The following ATP8B4 variants were observed in gnomAD, a reference collection of about 807,000 sequenced individuals.
ATP8B4 encodes the protein ATPase phospholipid transporting 8B4 (putative).
In ATP8B4, 133 loss-of-function variants were observed where a neutral mutation model predicts 145.6. The observed-to-expected ratio is 0.91, with a 90% CI of 0.79 to 1.05. The LOEUF (loss-of-function observed/expected upper bound fraction) is 1.05, where lower values mean the gene tolerates loss of function less well. Ranked by LOEUF, ATP8B4 falls within the 50% of genes least tolerant of loss-of-function variation. The probability of loss-of-function intolerance (pLI) is 0.00; values close to 1 mark genes in which losing one functional copy is unlikely to be tolerated. For synonymous variants in ATP8B4, 507 were observed against 492.9 expected, an observed-to-expected ratio of 1.03 and a Z score of -0.38; for missense variants, 1,458 against 1,425.2, an observed-to-expected ratio of 1.02 and a Z score of -0.37.
chr15:50,177,608 C>CT lies in ATP8B4; in HGVS notation c.-43+4652dup, dbSNP rs1474425378. On this transcript the variant is annotated intron_variant, in intron 1 of 3. Coordinates refer to the ATP8B4 transcript ENST00000558829. ...CTAGGGTAGGATCCTCCCAGAGCCCCTTTCCCACTCTATGCAATGAACTCT... is the reference window on the plus strand; with the variant it reads ...CTAGGGTAGGATCCTCCCAGAGCCCCTTTTCCCACTCTATGCAATGAACTCT... 2.6e-5 allele frequency among the ~76,000 whole-genome samples: 4 copies of CT among 152,178 alleles called. No homozygotes were observed. The East Asian group carries it at 7.7e-4, about 29-fold the overall frequency.
At chr15:49,917,107 G>C in intron 19 of ATP8B4, 68 bp from the exon 20 acceptor site, 2 of 1,461,714 alleles carry the variant, frequency 1.4e-6, no homozygotes, top group Non-Finnish European at 1.9e-6. Flanking sequence ...TTTAATGAAA[G>C]TTTTGAGGGC....
intron 1 of ATP8B4, among the ~76,000 whole-genome samples, chr15:50,115,542 G>A (rs141710716): frequency 9.2e-5 from 14 of 152,050 alleles, no homozygotes; most frequent in African/African-American, 3.4e-4. Flanking sequence ...GTAAGGACAA[G>A]TCAAAGGAAC....
chr15:50,146,856 G>A (rs915355424), intron 1 of ATP8B4, among the ~76,000 whole-genome samples: 1 of 152,116 alleles, frequency 6.6e-6, no homozygotes, highest in Non-Finnish European at 1.5e-5. Context: ...TGAATCCCAG[G>A]TTCCACACAG....
At chr15:49,974,676 T>G (rs183618301) in intron 12 of ATP8B4, among the ~76,000 whole-genome samples, 1 of 152,314 alleles carries the variant, frequency 6.6e-6, no homozygotes, top group African/African-American at 2.4e-5. Context: ...ATCTACATTT[T>G]TCTTTGTTTT....
At chr15:49,955,407 C>T (rs4387547) in intron 14 of ATP8B4, among the ~76,000 whole-genome samples, 69,638 of 152,098 alleles carry the variant, frequency 0.46, 17,041 homozygotes, top group Non-Finnish European at 0.54. Context: ...TGTAGAAAGA[C>T]TGGAATCCTG....
chr15:49,932,115 A>G (rs1053732058), intron 15 of ATP8B4, among the ~76,000 whole-genome samples: 1 of 151,862 alleles, frequency 6.6e-6, no homozygotes, highest in Non-Finnish European at 1.5e-5. Flanking sequence ...AATTAGGCAT[A>G]GCTAGACCCA....
At chr15:50,132,563 G>A (rs1469428701) in intron 1 of ATP8B4, among the ~76,000 whole-genome samples, 1 of 152,186 alleles carries the variant, frequency 6.6e-6, no homozygotes, top group East Asian at 1.9e-4. Flanking sequence ...AATTCCTCAA[G>A]AATCTAGAAG....
intron 23 of ATP8B4, among the ~76,000 whole-genome samples, chr15:49,890,937 T>G (rs1386781184): frequency 1.3e-5 from 2 of 152,338 alleles, no homozygotes; most frequent in East Asian, 3.9e-4. Flanking sequence ...TAGAACAGGC[T>G]TCTTGCTATA....
chr15:49,971,143 C>T (rs1419188789), intron 13 of ATP8B4, among the ~76,000 whole-genome samples: 2 of 152,102 alleles, frequency 1.3e-5, no homozygotes, highest in Non-Finnish European at 1.5e-5. Flanking sequence ...AAAAGTTAAA[C>T]ATAAGACCTA....
At chr15:49,991,392 T>C (rs1385385975) in intron 9 of ATP8B4, among the ~76,000 whole-genome samples, 2 of 152,186 alleles carry the variant, frequency 1.3e-5, no homozygotes, top group Non-Finnish European at 2.9e-5. Flanking sequence ...TCAGTAACAA[T>C]ATGCAAAAGA....
In ATP8B4 at chr15:49,892,172, A is replaced by G. The variant is rs1465644387; in HGVS notation, c.2697+5120T>C. On this transcript the variant is annotated intron_variant, in intron 23 of 27. Transcript: ENST00000284509. ...ACTCAGAATAGTTAAATAATTTATA[A>G]TCTGGGTTTCAGAATGTCATTAAGA... 3.3e-5 allele frequency among the ~76,000 whole-genome samples: 5 copies of G among 152,240 alleles called. No individual in the cohort carries two copies. In the South Asian group the frequency reaches 8.3e-4, roughly 25 times the overall value.
At chr15:50,006,638 C>T (rs1481436079) in intron 7 of ATP8B4, among the ~76,000 whole-genome samples, 1 of 152,094 alleles carries the variant, frequency 6.6e-6, no homozygotes, top group African/African-American at 2.4e-5. Context: ...TCATTCTAGC[C>T]CTATCATTTC....
intron 6 of ATP8B4, 148 bp from the exon 7 acceptor site, chr15:50,011,065 C>A: frequency 1.9e-6 from 1 of 530,166 alleles, no homozygotes. Context: ...TACATTAACA[C>A]GGGAACAAAG....
intron 1 of ATP8B4, among the ~76,000 whole-genome samples, chr15:50,113,865 A>T (rs1011646512): frequency 7.5e-6 from 1 of 132,522 alleles, no homozygotes; most frequent in Non-Finnish European, 1.6e-5. Context: ...AAAAAAAAAA[A>T]GCCAAATTTA....
chr15:50,125,468 C>T (rs534916623), intron 1 of ATP8B4, among the ~76,000 whole-genome samples: 2 of 152,302 alleles, frequency 1.3e-5, no homozygotes, highest in South Asian at 4.1e-4. Flanking sequence ...GTCTCTGGGA[C>T]ATTTCACACA....
chr15:50,134,101 G>A (rs2044088556), intron 1 of ATP8B4, among the ~76,000 whole-genome samples: 1 of 151,774 alleles, frequency 6.6e-6, no homozygotes, highest in African/African-American at 2.4e-5. Context: ...CTTAAATATA[G>A]ATAATTTTTA....
chr15:49,940,594 CAAAG>C (rs1207721315), intron 14 of ATP8B4, among the ~76,000 whole-genome samples: 1 of 151,882 alleles, frequency 6.6e-6, no homozygotes, highest in African/African-American at 2.4e-5. Flanking sequence ...ACAAAATAGA[CAAAG>C]AAAAATGAGG....
At position 50,099,696 on chromosome 15, in the gene ATP8B4, A is replaced by C. The variant is rs1397198997; in HGVS notation, c.28+7243T>G. On this transcript the variant is annotated intron_variant, in intron 2 of 27. Coordinates refer to ENST00000284509, the MANE Select transcript of ATP8B4 (RefSeq NM_024837.4). The stretch of plus-strand genomic sequence containing the variant: ...GTAATCATAAATAGACTGTAATCAT[A>C]ATGTTTTAAACATTTGAGTCAAGGG... Among the ~76,000 whole-genome samples, 4 of 152,348 alleles carry C rather than the reference A, an allele frequency of 2.6e-5. No homozygotes were observed. The East Asian group carries it at 7.7e-4, about 29-fold the overall frequency.
intron 3 of ATP8B4, among the ~76,000 whole-genome samples, chr15:50,055,105 T>C (rs891919270): frequency 6.6e-5 from 10 of 152,188 alleles, no homozygotes; most frequent in Admixed American, 1.3e-4. Flanking sequence ...CATTCCAATC[T>C]GGAAACAAGT....
Sources: allele counts gnomAD v4.1 joint callset (sites outside exome capture counted in the v4.1 genomes callset), GRCh38; gene constraint gnomAD v4.1.1; transcripts MANE v1.5; gene names NCBI Gene and HGNC (gene_info 2026-07-23, HGNC 2026-07-21).